The following LUC7L variants were observed in gnomAD, a reference collection of about 807,000 sequenced individuals.
LUC7L encodes LUC7 like.
LUC7L carries 29 observed loss-of-function variants against 51.1 expected under a neutral mutation model. That is an observed-to-expected ratio of 0.57 (90% CI 0.42 to 0.77). The LOEUF (loss-of-function observed/expected upper bound fraction) is 0.77. LUC7L is among the 30% of genes least tolerant of loss of function. LUC7L has a pLI of 0.00. For missense variants in LUC7L, 403 were observed against 511.9 expected (o/e 0.79, Z 2.05); for synonymous variants, 181 against 180.7 (o/e 1.00, Z -0.01).
intron 3 of LUC7L, among the ~76,000 whole-genome samples, chr16:219,841 C>A (rs2049915659): frequency 6.6e-6 from 1 of 151,778 alleles, no homozygotes; most frequent in African/African-American, 2.4e-5. Context: ...TGCTCTCCAG[C>A]CTGAGCAACA....
intron 6 of LUC7L, among the ~76,000 whole-genome samples, chr16:198,649 C>T (rs1246824091): frequency 6.6e-6 from 1 of 152,072 alleles, no homozygotes; most frequent in Non-Finnish European, 1.5e-5. Context: ...CTGCGTATTT[C>T]ACTATAAAAC....
chr16:202,246 G>A (rs112010418), intron 5 of LUC7L, among the ~76,000 whole-genome samples: 1 of 54,898 alleles, frequency 1.8e-5, no homozygotes, highest in African/African-American at 4.1e-5. Context: ...GGCAAAAGAA[G>A]GAGTGAGACA....
intron 2 of LUC7L, among the ~76,000 whole-genome samples, chr16:222,330 A>G (rs1307203091): frequency 5.6e-5 from 2 of 35,762 alleles, no homozygotes; most frequent in East Asian, 2.0e-3. Context: ...ACATAACCAG[A>G]AAAAAAAAAA....
At chr16:223,818 C>T (rs1252817685) in intron 2 of LUC7L, among the ~76,000 whole-genome samples, 3 of 151,930 alleles carry the variant, frequency 2.0e-5, no homozygotes, top group Non-Finnish European at 2.9e-5. Flanking sequence ...TACAGGGGCA[C>T]GCCACCACGC....
chr16:191,028 AGTGCCAATGCTCC>A (rs1473312944), intron 7 of LUC7L, among the ~76,000 whole-genome samples: 1 of 152,112 alleles, frequency 6.6e-6, no homozygotes, highest in Admixed American at 6.6e-5. Flanking sequence ...CTGAATGGGA[AGTGCCAATGCTCC>A]CATCCCCACA....
At position 189,332 on chromosome 16, in the gene LUC7L, T is replaced by C; in HGVS notation, c.982A>G (p.Arg328Gly). The change falls in exon 10 of 10, where the codon AGA becomes GGA. Residue 328 changes from arginine (R) to glycine (G), a missense_variant. Arg to Gly is a moderately radical substitution (Grantham distance 125). Coordinates refer to ENST00000293872, the MANE Select transcript of LUC7L (RefSeq NM_201412.3). ...RDRSAKYKFS[R>G]ERASREESWE... is the part of the protein sequence containing the mutation. Reference sequence around the variant, plus strand: ...GACTCCTCTCTGGATGCCCGCTCTCTGGAGAACCTGGGAAATGGGAACCAG... The same window carrying C: ...GACTCCTCTCTGGATGCCCGCTCTCCGGAGAACCTGGGAAATGGGAACCAG... The C allele has an allele frequency of 6.2e-7, 1 of 1,608,552 alleles. No homozygotes were observed. The highest frequency in any genetic ancestry group is 8.5e-7 in the Non-Finnish European group (1 of 1,177,732).
At chr16:216,767 T>C (rs1232042117) in intron 3 of LUC7L, among the ~76,000 whole-genome samples, 2 of 152,156 alleles carry the variant, frequency 1.3e-5, no homozygotes, top group Non-Finnish European at 2.9e-5. Context: ...GTAACTCTTG[T>C]ATATTGTACA....
intron 9 of LUC7L, 176 bp from the exon 10 acceptor site, chr16:189,515 T>C: frequency 7.2e-7 from 1 of 1,396,686 alleles, no homozygotes; most frequent in East Asian, 2.5e-5. Flanking sequence ...TAGATAGCCA[T>C]TAAAAAGTGA....
At position 190,499 on chromosome 16, in the gene LUC7L, A is replaced by G. The variant is rs563017220; in HGVS notation, c.806+42T>C. 1.9e-6 allele frequency: 3 copies of G among 1,581,428 alleles called. 1 individual carries two copies. The highest frequency in any genetic ancestry group is 2.2e-5 in the South Asian group (2 of 89,742). ...TAAATATTAAGAAAAATGCTTATGG[A>G]AAAAAAAATTTGAGAACATTTTAAT... is the stretch of plus-strand genomic sequence containing the variant. On this transcript the variant is annotated intron_variant, in intron 8 of 9. Transcript: ENST00000293872.
In LUC7L at chr16:189,837, A is replaced by T. The variant is rs2048962239; in HGVS notation, c.974+131T>A. 42 of 1,459,616 alleles carry T rather than the reference A, an allele frequency of 2.9e-5. No homozygotes were observed. The South Asian group carries it at 5.7e-4, about 20-fold the overall frequency. 90.4% of individuals were successfully genotyped at this position (1,459,616 alleles called of 1,614,324 possible). The stretch of plus-strand genomic sequence containing the variant: ...CTCTTCCCACACCTGAGTCCCGTTC[A>T]CGACTCCCCAGCCCTACTCCTGAGG... On this transcript the variant is annotated intron_variant, in intron 9 of 9. Transcript: ENST00000293872.
At chr16:219,932 T>C (rs550550756) in intron 3 of LUC7L, among the ~76,000 whole-genome samples, 1 of 150,638 alleles carries the variant, frequency 6.6e-6, no homozygotes, top group African/African-American at 2.4e-5. Flanking sequence ...ACTAAAAAAA[T>C]GCAAATTGAG....
At chr16:213,261 A>G (rs1161557788) in intron 3 of LUC7L, among the ~76,000 whole-genome samples, 4 of 152,214 alleles carry the variant, frequency 2.6e-5, no homozygotes, top group Admixed American at 2.0e-4. Context: ...GAAGCAGCCA[A>G]TGATGAGGAC....
chr16:228,857 G>T (rs1382236963), intron 1 of LUC7L: 1 of 1,299,878 alleles, frequency 7.7e-7, no homozygotes, highest in Non-Finnish European at 1.0e-6. Context: ...GGTTTTCGAG[G>T]CCCATCCGGC....
chr16:215,225 C>T (rs550397868), intron 3 of LUC7L, among the ~76,000 whole-genome samples: 5 of 152,300 alleles, frequency 3.3e-5, no homozygotes, highest in African/African-American at 7.2e-5. Context: ...CAATGGATCA[C>T]GCCTGTAATC....
chr16:226,760 A>G (rs551269813), intron 2 of LUC7L, among the ~76,000 whole-genome samples: 9 of 152,350 alleles, frequency 5.9e-5, no homozygotes, highest in African/African-American at 2.2e-4. Context: ...TGCCCTATTT[A>G]GTTGTGAATA....
chr16:218,626 CAGG>C (rs2142103614), intron 3 of LUC7L, among the ~76,000 whole-genome samples: 1 of 151,812 alleles, frequency 6.6e-6, no homozygotes, highest in East Asian at 1.9e-4. Flanking sequence ...GAGGCTGAGG[CAGG>C]AGAATTGCTT....
intron 6 of LUC7L, among the ~76,000 whole-genome samples, chr16:193,533 C>A (rs2049068809): frequency 6.6e-6 from 1 of 151,960 alleles, no homozygotes; most frequent in South Asian, 2.1e-4. Context: ...GAGACAGAGT[C>A]CGCCCTGTTG....
intron 3 of LUC7L, among the ~76,000 whole-genome samples, chr16:219,284 G>T (rs1048930450): frequency 6.6e-6 from 1 of 152,138 alleles, no homozygotes; most frequent in African/African-American, 2.4e-5. Context: ...AGCTACTTGG[G>T]AGGCTAAGGC....
chr16:229,381 C>T lies in LUC7L; in HGVS notation c.-42G>A. 1 of 1,468,222 alleles carries T rather than the reference C, an allele frequency of 6.8e-7. No homozygotes were observed. Among genetic ancestry groups the T allele is most frequent in the Non-Finnish European group, 9.0e-7 (1 of 1,106,186 alleles). 90.9% of individuals were successfully genotyped at this position (1,468,222 alleles called of 1,614,324 possible). ...GACGGGGTCGGCCGCGACGACTTCT[C>T]TCAGGCAGGCGGTGGCAGCGGCGTC... On this transcript the variant is annotated 5_prime_UTR_variant, in exon 1 of 10. Transcript: ENST00000293872.
Sources: gnomAD v4.1 joint callset for allele counts (sites outside exome capture counted in the v4.1 genomes callset) on GRCh38, gnomAD v4.1.1 for gene constraint, MANE v1.5 for transcripts, NCBI Gene and HGNC (gene_info 2026-07-23, HGNC 2026-07-21) for gene names.